BORA: variants seen among roughly 807,000 people sequenced by gnomAD.
BORA encodes BORA aurora kinase A activator, also known as protein aurora borealis.
In BORA, 26 loss-of-function variants were observed where a neutral mutation model predicts 55.8. The ratio of observed to expected loss-of-function variants is 0.47; its 90% CI spans 0.34 to 0.65. The LOEUF is 0.65. Among genes scored for constraint, BORA ranks in the 30% least tolerant of loss-of-function variants. The pLI is 0.01. For missense variants in BORA, 568 were observed against 671.5 expected (o/e 0.85, Z 1.70); for synonymous variants, 201 against 216.9 (o/e 0.93, Z 0.64).
At position 72,746,774 on chromosome 13, in the gene BORA, G is replaced by T; in HGVS notation, c.1145G>T (p.Gly382Val). 6.2e-7 allele frequency: 1 copy of T among 1,614,118 alleles called. No individual in the cohort carries two copies. Among genetic ancestry groups the T allele is most frequent in the South Asian group, 1.1e-5 (1 of 91,068 alleles). ...DVSSPAMDAAGIHLRQFSNEA... is the reference protein window; with the variant it reads ...DVSSPAMDAAVIHLRQFSNEA... ...TCATCACCCGCCATGGATGCTGCTG[G>T]AATACACCTACGGCAGTTTAGTAAT... The change falls in exon 10 of 12, where the codon GGA (glycine) becomes GTA (valine). Residue 382 changes from glycine to valine, a missense_variant. Transcript: ENST00000390667.
chr13:72,746,947 G>A lies in BORA; in HGVS notation c.1318G>A (p.Glu440Lys). 1 of 1,614,128 alleles carries A rather than the reference G, an allele frequency of 6.2e-7. No individual in the cohort carries two copies. Among genetic ancestry groups the A allele is most frequent in the Non-Finnish European group, 8.5e-7 (1 of 1,179,990 alleles). The change falls in exon 10 of 12, where the codon GAG (glutamate) becomes AAG (lysine). Residue 440 changes from glutamate (E) to lysine (K), a missense_variant. Coordinates refer to ENST00000390667, the MANE Select transcript of BORA (RefSeq NM_024808.5). ...NNTVDMVDPI[E>K]IADETTWIKE... ...CACTGTGGATATGGTTGATCCTATA[G>A]AGATAGCAGATGAGACCACTTGGAT... is the stretch of plus-strand genomic sequence containing the variant.
intron 10 of BORA, 57 bp downstream of exon 10, chr13:72,747,168 T>A (rs1329995698): frequency 3.2e-6 from 5 of 1,544,892 alleles, no homozygotes; most frequent in Non-Finnish European, 3.5e-6. Flanking sequence ...TCTTTATCCT[T>A]TCTAAGATTA....
chr13:72,731,131 CATTTAATTTCATGGTAAAGTCAA>C, intron 2 of BORA, 127 bp from the exon 3 acceptor site: 1 of 591,430 alleles, frequency 1.7e-6, no homozygotes, highest in Non-Finnish European at 3.0e-6. Flanking sequence ...TACCCTTTGC[CATTTAATTTCATGGTAAAGTCAA>C]ATTTTAAAAT....
intron 5 of BORA, among the ~76,000 whole-genome samples, chr13:72,742,258 A>C (rs879866174): frequency 1.9e-5 from 1 of 53,646 alleles, no homozygotes; most frequent in African/African-American, 7.2e-5. Context: ...TTTTGGGGGG[A>C]GGGGGGGTTT....
At chr13:72,738,155 T>C (rs2032968472) in intron 5 of BORA, 112 bp downstream of exon 5, 2 of 592,818 alleles carry the variant, frequency 3.4e-6, no homozygotes, top group African/African-American at 3.8e-5. Context: ...TTTAAAATTC[T>C]GGATAACATA....
At chr13:72,731,505 C>A (rs1248531912) in intron 3 of BORA, 118 bp downstream of exon 3, 14 of 716,898 alleles carry the variant, frequency 2.0e-5, no homozygotes, top group African/African-American at 5.5e-5. Context: ...AATTTTGATG[C>A]AGATTTTTTC....
chr13:72,742,765 TATACACACACACACACACACAC>T lies in BORA; in HGVS notation c.389-770_389-749del, dbSNP rs1430347304. Among the ~76,000 whole-genome samples the T allele has an allele frequency of 1.1e-3, 59 of 54,030 alleles. 3 individuals carry two copies. Among genetic ancestry groups the T allele is most frequent in the African/African-American group, 2.4e-3 (55 of 22,840 alleles). 35.4% of individuals were successfully genotyped at this position (54,030 alleles called of 152,430 possible). A position where few individuals can be genotyped will look rare whatever the true frequency, so the allele number is the denominator to read the frequency against. The stretch of plus-strand genomic sequence containing the variant: ...CTTTTTAAAATGTGATATATATATA[TATACACACACACACACACACAC>T]ACACACACACACACACACACACACA... On this transcript the variant is annotated intron_variant, in intron 5 of 11. Coordinates refer to ENST00000390667, the MANE Select transcript of BORA (RefSeq NM_024808.5).
At chr13:72,729,168 C>A in intron 2 of BORA, 75 bp downstream of exon 2, 1 of 1,240,422 alleles carries the variant, frequency 8.1e-7, no homozygotes, top group South Asian at 1.6e-5. Context: ...ATGTAAACAT[C>A]TGTCTTTACA....
intron 10 of BORA, among the ~76,000 whole-genome samples, chr13:72,751,659 T>C (rs2033277430): frequency 6.6e-6 from 1 of 152,184 alleles, no homozygotes; most frequent in Non-Finnish European, 1.5e-5. Context: ...ATAGGAGTAA[T>C]TCTAGTGTTC....
At chr13:72,739,469 G>C (rs2032994666) in intron 5 of BORA, among the ~76,000 whole-genome samples, 1 of 152,182 alleles carries the variant, frequency 6.6e-6, no homozygotes, top group Non-Finnish European at 1.5e-5. Flanking sequence ...CACCTTTCAT[G>C]AAGTGGCATG....
At position 72,746,877 on chromosome 13, in the gene BORA, A is replaced by G; in HGVS notation, c.1248A>G (p.Lys416=). ...AAAATCAGTCCAGTGCTTCTGAGAA[A>G]GAATTAGCACTGTTGCAGGATGTTG... is the stretch of plus-strand genomic sequence containing the variant. ...VTQNQSSASE[K]ELALLQDVER... The change falls in exon 10 of 12, where the codon AAA becomes AAG. Residue 416 remains lysine, a synonymous_variant. Coordinates refer to ENST00000390667, the MANE Select transcript of BORA (RefSeq NM_024808.5). 1 of 1,614,174 alleles carries G rather than the reference A, an allele frequency of 6.2e-7. No individual in the cohort carries two copies. Among genetic ancestry groups the G allele is most frequent in the South Asian group, 1.1e-5 (1 of 91,086 alleles).
At chr13:72,743,710 T>A in intron 6 of BORA, 108 bp downstream of exon 6, 3 of 300,300 alleles carry the variant, frequency 1.0e-5, no homozygotes, top group Non-Finnish European at 1.6e-5. Flanking sequence ...AATTGTTTCC[T>A]TTTTTTTTTT....
Position 72,727,951 on chromosome 13 carries a change from G to C in BORA, c.-72G>C. On this transcript the variant is annotated 5_prime_UTR_variant, in exon 1 of 12. Coordinates refer to ENST00000390667, the MANE Select transcript of BORA (RefSeq NM_024808.5). The stretch of plus-strand genomic sequence containing the variant: ...GAGTCTATGCCTGTCGTGGAAGCTG[G>C]CCTGGCCCCCGGAGCTCCCTGGAGT... 41 of 1,550,644 alleles carry C rather than the reference G, an allele frequency of 2.6e-5. No homozygotes were observed. Among genetic ancestry groups the C allele is most frequent in the Non-Finnish European group, 3.5e-5 (40 of 1,147,000 alleles).
Position 72,746,047 on chromosome 13 carries a change from A to C in BORA, c.842A>C (p.Glu281Ala). ...PISSPTFSPI[E>A]FQIGETPLSE... ...TCTTCACCCACTTTCTCACCAATTGAATTTCAGATAGGAGAGACTCCACTC... is the reference window on the plus strand; with the variant it reads ...TCTTCACCCACTTTCTCACCAATTGCATTTCAGATAGGAGAGACTCCACTC... Residue 281 changes from glutamate (E) to alanine (A), a missense_variant, in exon 9 of 12, where the codon GAA (glutamate) becomes GCA (alanine). Transcript: ENST00000390667. The C allele has an allele frequency of 4.3e-6, 7 of 1,611,898 alleles. No homozygotes were observed. Among genetic ancestry groups the C allele is most frequent in the Non-Finnish European group, 5.9e-6 (7 of 1,178,170 alleles).
In BORA at chr13:72,746,593, G is replaced by C; in HGVS notation, c.964G>C (p.Asp322His). The stretch of plus-strand genomic sequence containing the variant: ...TCCGTGTATCAGAAGTCCTTATATA[G>C]ATGGCTGCTCGCCAATTAAAAATTG... ...TNPCIRSPYI[D>H]GCSPIKNWSP... is the part of the protein sequence containing the mutation. The change falls in exon 10 of 12, where the codon GAT becomes CAT. Residue 322 changes from aspartate to histidine, a missense_variant. Coordinates refer to ENST00000390667, the MANE Select transcript of BORA (RefSeq NM_024808.5). The C allele has an allele frequency of 1.2e-6, 2 of 1,614,062 alleles. No individual in the cohort carries two copies. The highest frequency in any genetic ancestry group is 1.7e-6 in the Non-Finnish European group (2 of 1,179,972).
At position 72,731,398 on chromosome 13, in the gene BORA, C is replaced by G. The variant is rs780329636; in HGVS notation, c.260+11C>G. On this transcript the variant is annotated intron_variant, in intron 3 of 11. Coordinates refer to ENST00000390667, the MANE Select transcript of BORA (RefSeq NM_024808.5). Reference sequence around the variant, plus strand: ...CTTAAGTCATTCTCGGTAAGTTTTCCTTTCTTGCACCTAAGTCTAATAACA... The same window carrying G: ...CTTAAGTCATTCTCGGTAAGTTTTCGTTTCTTGCACCTAAGTCTAATAACA... The G allele has an allele frequency of 3.9e-6, 6 of 1,541,706 alleles. No homozygotes were observed. The African/African-American group carries it at 8.2e-5, about 21-fold the overall frequency.
intron 4 of BORA, among the ~76,000 whole-genome samples, chr13:72,736,924 G>T (rs1349753884): frequency 7.1e-6 from 1 of 141,284 alleles, no homozygotes; most frequent in African/African-American, 2.6e-5. Context: ...CACTTTGTAA[G>T]TTTATAGGTC....
chr13:72,730,394 A>T (rs1270838005), intron 2 of BORA, among the ~76,000 whole-genome samples: 6 of 152,238 alleles, frequency 3.9e-5, no homozygotes, highest in African/African-American at 1.4e-4. Context: ...AATGTATGGC[A>T]TCTTGCGTTT....
At chr13:72,730,888 T>TAA (rs372986974) in intron 2 of BORA, among the ~76,000 whole-genome samples, 26 of 48,994 alleles carry the variant, frequency 5.3e-4, no homozygotes, top group East Asian at 1.1e-3. Context: ...CCATCTCTAC[T>TAA]AAAAAAAAAA....
Sources: allele counts gnomAD v4.1 joint callset (sites outside exome capture counted in the v4.1 genomes callset), GRCh38; gene constraint gnomAD v4.1.1; transcripts MANE v1.5; gene names NCBI Gene and HGNC (gene_info 2026-07-23, HGNC 2026-07-21).